Variants in SEMA4B observed in about 807,000 individuals in gnomAD.
SEMA4B encodes the protein semaphorin 4B, also known as semaphorin-4B.
Under a neutral mutation model 88.1 loss-of-function variants are expected in SEMA4B, and 55 were observed. That is an observed-to-expected ratio of 0.62 (90% CI 0.50 to 0.78). SEMA4B has a LOEUF of 0.78. Ranked by LOEUF, SEMA4B falls within the 30% of genes least tolerant of loss-of-function variation. The pLI is 0.00. For synonymous variants in SEMA4B, 525 were observed against 473.6 expected (o/e 1.11, Z -1.41); for missense variants, 1,062 against 1,111.9 (o/e 0.96, Z 0.64).
intron 1 of SEMA4B, among the ~76,000 whole-genome samples, chr15:90,203,924 G>A (rs752744396): frequency 8.5e-5 from 13 of 152,156 alleles, no homozygotes; most frequent in Non-Finnish European, 1.0e-4. Context: ...ATCTATAGTC[G>A]ACTGAGTTGC....
At chr15:90,211,168 T>G (rs7171735) in intron 1 of SEMA4B, among the ~76,000 whole-genome samples, 83,946 of 152,042 alleles carry the variant, frequency 0.55, 23,548 homozygotes, top group East Asian at 0.83. Context: ...ACTGAGCGTG[T>G]CCCTGTGTAG....
intron 1 of SEMA4B, among the ~76,000 whole-genome samples, chr15:90,189,945 A>G (rs1270477740): frequency 6.6e-6 from 1 of 152,212 alleles, no homozygotes; most frequent in Non-Finnish European, 1.5e-5. Flanking sequence ...AGGAGCAAGC[A>G]GGGTCAGCCG....
At chr15:90,209,718 A>G (rs1961167967) in intron 1 of SEMA4B, among the ~76,000 whole-genome samples, 1 of 152,176 alleles carries the variant, frequency 6.6e-6, no homozygotes, top group Non-Finnish European at 1.5e-5. Flanking sequence ...CCAGCCGGGG[A>G]TCCAGGAAGG....
intron 1 of SEMA4B, chr15:90,192,114 T>C (rs60670609): frequency 0.023 from 3,458 of 152,698 alleles, 129 homozygotes; most frequent in African/African-American, 0.077. Context: ...AGTGTATGTC[T>C]GCGAGGCCTT....
chr15:90,208,752 C>CT (rs66461937), intron 1 of SEMA4B, among the ~76,000 whole-genome samples: 56,541 of 144,076 alleles, frequency 0.39, 11,931 homozygotes, highest in African/African-American at 0.57. Context: ...TTTTCTTTTT[C>CT]TTTTTTTTTT....
chr15:90,227,311 T>C, intron 12 of SEMA4B: 1 of 476,996 alleles, frequency 2.1e-6, no homozygotes, highest in Non-Finnish European at 3.7e-6. Context: ...CCTCCCAAAG[T>C]GCTGGGATTA....
At chr15:90,197,279 A>C (rs1264876352), upstream of SEMA4B, among the ~76,000 whole-genome samples, 1 of 151,960 alleles carries the variant, frequency 6.6e-6, no homozygotes, top group Non-Finnish European at 1.5e-5. Context: ...AGTCCCAGCT[A>C]CTCAGGAGGC....
chr15:90,206,527 C>G (rs1321874155), intron 1 of SEMA4B: 1 of 406,764 alleles, frequency 2.5e-6, no homozygotes, highest in Non-Finnish European at 4.5e-6. Context: ...GAGGCTCAGG[C>G]TCAGTTGCGT....
At chr15:90,214,492 G>T (rs1053570745) in intron 1 of SEMA4B, among the ~76,000 whole-genome samples, 6 of 151,928 alleles carry the variant, frequency 3.9e-5, no homozygotes, top group African/African-American at 1.2e-4. Flanking sequence ...ACTTTGCCGG[G>T]CGTGGTGACA....
At position 90,223,885 on chromosome 15, in the gene SEMA4B, A is replaced by G. The variant is rs771860851; in HGVS notation, c.1091A>G (p.Lys364Arg). 6.2e-7 allele frequency: 1 copy of G among 1,613,920 alleles called. No individual in the cohort carries two copies. Among genetic ancestry groups the G allele is most frequent in the South Asian group, 1.1e-5 (1 of 91,080 alleles). The change falls in exon 9 of 14, where the codon AAG (lysine) becomes AGG (arginine). Residue 364 changes from lysine to arginine, a missense_variant. Physicochemically the swap from Lys to Arg is conservative, Grantham distance 26. Transcript: ENST00000411539. ...TCTGCCGTCTGTGTCTTCACAATGA[A>G]GGATGTGCAGAGAGTCTTCAGCGGC... ...EGSAVCVFTM[K>R]DVQRVFSGLY...
Position 90,228,133 on chromosome 15 carries a change from CA to C in SEMA4B, c.2005del (p.Ser669AlafsTer30), listed in dbSNP as rs1378927092. ...AGGAGGGCTTCCAGCAGCTGGTAGC[CA>C]GCTACTGCCCAGAGGTGGTGGAGGA... Reference protein sequence around the residue: ...LEEGFQQLVASYCPEVVEDGV... With the variant: ...LEEGFQQLVAXYCPEVVEDGV... On this transcript the variant is annotated frameshift_variant, in exon 14 of 14. Transcript: ENST00000411539. LOFTEE classifies it high-confidence loss of function. The C allele has an allele frequency of 6.2e-7, 1 of 1,611,440 alleles. No homozygotes were observed. The highest frequency in any genetic ancestry group is 8.5e-7 in the Non-Finnish European group (1 of 1,178,880).
rs148710614 is a variant in SEMA4B, at chr15:90,228,928, A to G, written c.*285A>G. The G allele has an allele frequency of 2.7e-5, 14 of 527,432 alleles. No homozygotes were observed. The East Asian group carries it at 4.8e-4, about 18-fold the overall frequency. The allele number at this position is 527,432 out of a possible 1,614,324, so 32.7% of individuals were successfully genotyped here. A position where few individuals can be genotyped will look rare whatever the true frequency, so the allele number is the denominator to read the frequency against. Reference sequence around the variant, plus strand: ...GTAAACTGAGCCCTTTGTTTAAAAAACAATTCCAAATGTGAAACTAGAATG... The same window carrying G: ...GTAAACTGAGCCCTTTGTTTAAAAAGCAATTCCAAATGTGAAACTAGAATG... On this transcript the variant is annotated 3_prime_UTR_variant, in exon 14 of 14. Coordinates refer to ENST00000411539, the MANE Select transcript of SEMA4B (RefSeq NM_198925.4).
intron 1 of SEMA4B, among the ~76,000 whole-genome samples, chr15:90,209,589 G>A (rs972993761): frequency 1.3e-5 from 2 of 151,848 alleles, no homozygotes; most frequent in African/African-American, 4.8e-5. Context: ...AGAGAAGAGC[G>A]CAGAAAGACC....
chr15:90,189,770 T>C (rs1023427074), intron 1 of SEMA4B, among the ~76,000 whole-genome samples: 1 of 152,188 alleles, frequency 6.6e-6, no homozygotes, highest in African/African-American at 2.4e-5. Flanking sequence ...GCTTTTGAAA[T>C]TAAATGAAAG....
At chr15:90,227,426 A>G (rs1962225079) in intron 12 of SEMA4B, 131 bp from the exon 13 acceptor site, 1 of 668,070 alleles carries the variant, frequency 1.5e-6, no homozygotes, top group South Asian at 1.8e-5. Flanking sequence ...GACAGAGGAG[A>G]TGCTGACTCC....
In SEMA4B at chr15:90,217,509, C is replaced by T. The variant is rs773391548; in HGVS notation, c.228C>T (p.Ser76=). 6.2e-7 allele frequency: 1 copy of T among 1,613,938 alleles called. No homozygotes were observed. Among genetic ancestry groups the T allele is most frequent in the Non-Finnish European group, 8.5e-7 (1 of 1,179,852 alleles). ...CCAACTACACAGCCCTTCTGCTGAG[C>T]AGGGATGGCAGGACCCTGTACGTGG... is the stretch of plus-strand genomic sequence containing the variant. The part of the protein sequence containing the change: ...HISNYTALLL[S]RDGRTLYVGA... The change falls in exon 2 of 14, where the codon AGC becomes AGT. Residue 76 remains serine (S), a synonymous_variant. Coordinates refer to ENST00000411539, the MANE Select transcript of SEMA4B (RefSeq NM_198925.4).
Position 90,212,424 on chromosome 15 carries a change from C to A in SEMA4B, c.158-5015C>A, listed in dbSNP as rs560082415. ...CCCTGCTTTCTTCATACTGGACTAA[C>A]CCACTGGATAGATGGATTTAGAGGA... On this transcript the variant is annotated intron_variant, in intron 1 of 13. Coordinates refer to ENST00000411539, the MANE Select transcript of SEMA4B (RefSeq NM_198925.4). The surrounding 1 kb of genome is among the most constrained non-coding windows in gnomAD (Gnocchi z 4.0). Among the ~76,000 whole-genome samples, 17 of 152,298 alleles carry A rather than the reference C, an allele frequency of 1.1e-4. No homozygotes were observed. The highest frequency in any genetic ancestry group is 1.9e-4 in the Non-Finnish European group (13 of 68,022).
At chr15:90,216,222 C>T (rs184848073) in intron 1 of SEMA4B, among the ~76,000 whole-genome samples, 143 of 152,040 alleles carry the variant, frequency 9.4e-4, no homozygotes, top group African/African-American at 3.2e-3. Flanking sequence ...TCAGGTGATC[C>T]ACACCAAAGT....
rs761208449 is a variant in SEMA4B, at chr15:90,223,678, G to A, written c.981G>A (p.Thr327=). ...TCAACGTGCTGCAGGATGTCTTCAC[G>A]CTGAGCCCCAGCCCCCAGGACTGGC... is the stretch of plus-strand genomic sequence containing the variant. The part of the protein sequence containing the change: ...FPFNVLQDVF[T]LSPSPQDWRD... Residue 327 remains threonine, a synonymous_variant, in exon 8 of 14, where the codon ACG becomes ACA. Transcript: ENST00000411539. 7.6e-5 allele frequency: 122 copies of A among 1,613,272 alleles called. No homozygotes were observed. Among genetic ancestry groups the A allele is most frequent in the Middle Eastern group, 1.6e-4 (1 of 6,082 alleles).
Sources: allele counts gnomAD v4.1 joint callset (sites outside exome capture counted in the v4.1 genomes callset), GRCh38; gene constraint gnomAD v4.1.1; non-coding constraint Gnocchi (gnomAD v3.1); transcripts MANE v1.5; gene names NCBI Gene and HGNC (gene_info 2026-07-23, HGNC 2026-07-21).